CASZ1: variants seen among roughly 807,000 people sequenced by gnomAD.
The protein encoded by CASZ1 is castor zinc finger 1.
In CASZ1, 28 loss-of-function variants were observed where a neutral mutation model predicts 135.2. The ratio of observed to expected loss-of-function variants is 0.21; its 90% confidence interval spans 0.15 to 0.28. The LOEUF (loss-of-function observed/expected upper bound fraction) is 0.28. CASZ1 is among the 10% of genes least tolerant of loss of function. The pLI, the probability that CASZ1 is intolerant of heterozygous loss-of-function variation, is 1.00. For synonymous variants in CASZ1, 1,068 were observed against 1,073.4 expected, an observed-to-expected ratio of 0.99 and a Z score of 0.10; for missense variants, 2,161 against 2,453.3, an observed-to-expected ratio of 0.88 and a Z score of 2.52.
intron 1 of CASZ1, among the ~76,000 whole-genome samples, chr1:10,787,374 C>A (rs564896336): frequency 6.6e-6 from 1 of 152,352 alleles, no homozygotes; most frequent in Admixed American, 6.5e-5. Flanking sequence ...CCCCCGATCC[C>A]CAGCCAGAGA....
At chr1:10,650,498 C>T in intron 13 of CASZ1, 194 bp downstream of exon 13, 1 of 555,078 alleles carries the variant, frequency 1.8e-6, no homozygotes, top group Non-Finnish European at 3.2e-6. Flanking sequence ...ATTTCTTCAG[C>T]CAGTTCATTA....
At chr1:10,687,022 A>G (rs1638615688) in intron 4 of CASZ1, among the ~76,000 whole-genome samples, 1 of 152,148 alleles carries the variant, frequency 6.6e-6, no homozygotes, top group African/African-American at 2.4e-5. Flanking sequence ...GGCGGTGAGG[A>G]TCACAGCTGC....
chr1:10,743,679 C>T (rs1212822607), intron 2 of CASZ1, among the ~76,000 whole-genome samples: 24 of 26,220 alleles, frequency 9.2e-4, no homozygotes, highest in Admixed American at 1.8e-3. Flanking sequence ...GGGCGGGGTG[C>T]GGGGGGAGGA....
rs1557459492 is a variant in CASZ1 at position 10,646,040 on chromosome 1, G to A, written c.3696+88C>T. ...GCAAGGTGTGAGAAATGGAGCCTCTGCCAGGAGGTGACTGTCCTGTGCCCT... is the reference window on the plus strand; with the variant it reads ...GCAAGGTGTGAGAAATGGAGCCTCTACCAGGAGGTGACTGTCCTGTGCCCT... On this transcript the variant is annotated intron_variant, in intron 17 of 20. Transcript: ENST00000377022. This position sits in a 1 kb window ranked among gnomAD's most constrained non-coding sequence, Gnocchi z 6.4. 13 of 1,280,818 alleles carry A rather than the reference G, an allele frequency of 1.0e-5. No individual in the cohort carries two copies. Among genetic ancestry groups the A allele is most frequent in the African/African-American group, 1.5e-5 (1 of 68,264 alleles). 79.3% of individuals were successfully genotyped at this position (1,280,818 alleles called of 1,614,324 possible).
At chr1:10,754,870 G>C (rs1640219837) in intron 2 of CASZ1, among the ~76,000 whole-genome samples, 1 of 151,974 alleles carries the variant, frequency 6.6e-6, no homozygotes, top group Non-Finnish European at 1.5e-5. Context: ...ATTACTAAGG[G>C]AAAAAAAAGT....
chr1:10,782,734 A>G (rs749320480), intron 1 of CASZ1, among the ~76,000 whole-genome samples: 2 of 144,076 alleles, frequency 1.4e-5, no homozygotes, highest in Admixed American at 7.0e-5. Flanking sequence ...GGAGCCACTG[A>G]GGCGGGAAGG....
At chr1:10,789,572 C>T (rs929927175) in intron 1 of CASZ1, among the ~76,000 whole-genome samples, 1 of 152,034 alleles carries the variant, frequency 6.6e-6, no homozygotes, top group African/African-American at 2.4e-5. Context: ...TTCTCTCTCT[C>T]TCTCCCCGCA....
intron 4 of CASZ1, among the ~76,000 whole-genome samples, chr1:10,682,945 C>T (rs1173536775): frequency 6.6e-6 from 1 of 152,244 alleles, no homozygotes; most frequent in Admixed American, 6.5e-5. Context: ...GCTCTCCAGG[C>T]CTGCCTGTCC....
chr1:10,641,347 C>T (rs1642194136), intron 20 of CASZ1, among the ~76,000 whole-genome samples: 1 of 152,232 alleles, frequency 6.6e-6, no homozygotes, highest in Admixed American at 6.5e-5. Context: ...CGGCCCTGCC[C>T]TGGCCATAAC....
intron 2 of CASZ1, among the ~76,000 whole-genome samples, chr1:10,715,513 A>C (rs1475698716): frequency 2.1e-3 from 295 of 142,238 alleles, no homozygotes; most frequent in Admixed American, 3.3e-3. Context: ...CCCAATCCAC[A>C]CCCCACAGCA....
In CASZ1 at chr1:10,741,330, G is replaced by A. The variant is rs1424249437; in HGVS notation, c.-77+19371C>T. Among the ~76,000 whole-genome samples, 1 of 152,132 alleles carries A rather than the reference G, an allele frequency of 6.6e-6. No homozygotes were observed. The highest frequency in any genetic ancestry group is 1.5e-5 in the Non-Finnish European group (1 of 68,026). ...TGAGGGCAGGGACTTGTTCAAAGAG[G>A]AAAACAGCAAAGCAAAGCCTGGAAA... On this transcript the variant is annotated intron_variant, in intron 2 of 20. Coordinates refer to ENST00000377022, the MANE Select transcript of CASZ1 (RefSeq NM_001079843.3). The surrounding 1 kb of genome is among the most constrained non-coding windows in gnomAD (Gnocchi z 5.0).
chr1:10,678,114 C>T (rs1212198105), intron 4 of CASZ1, among the ~76,000 whole-genome samples: 1 of 152,176 alleles, frequency 6.6e-6, no homozygotes, highest in African/African-American at 2.4e-5. Context: ...ACTAGAGAGG[C>T]CCCGGACAGC....
At position 10,755,616 on chromosome 1, in the gene CASZ1, T is replaced by G. The variant is rs6700327; in HGVS notation, c.-77+5085A>C. ...GGCCCGTGCATGGCGAGATGCGGGG[T>G]TTTCCTGCATCTGCTCCGAAGGCAG... On this transcript the variant is annotated intron_variant, in intron 2 of 20. Coordinates refer to ENST00000377022, the MANE Select transcript of CASZ1 (RefSeq NM_001079843.3). This position sits in a 1 kb window ranked among gnomAD's most constrained non-coding sequence, Gnocchi z 4.3. 0.73 allele frequency among the ~76,000 whole-genome samples: 110,946 copies of G among 151,784 alleles called. 42,105 individuals carry two copies. Among genetic ancestry groups the G allele is most frequent in the Non-Finnish European group, 0.84 (57,081 of 67,950 alleles).
chr1:10,796,176 C>T (rs1020733246), intron 1 of CASZ1, among the ~76,000 whole-genome samples: 17 of 152,056 alleles, frequency 1.1e-4, no homozygotes, highest in African/African-American at 4.1e-4. Flanking sequence ...GTCCTGTGCT[C>T]GCGCCTGGCA....
chr1:10,781,175 C>G (rs547649680), intron 1 of CASZ1, among the ~76,000 whole-genome samples: 2 of 152,336 alleles, frequency 1.3e-5, no homozygotes, highest in East Asian at 3.9e-4. Flanking sequence ...GGAGGGGGCT[C>G]TGGGAGGAGA....
chr1:10,711,206 C>A lies in CASZ1; in HGVS notation c.-76-5662G>T, dbSNP rs1319599375. Among the ~76,000 whole-genome samples the A allele has an allele frequency of 2.6e-5, 4 of 152,216 alleles. No individual in the cohort carries two copies. The highest frequency in any genetic ancestry group is 9.6e-5 in the African/African-American group (4 of 41,454). ...TTGAGTTTGAATCCTGCCTCTGCTG[C>A]CTCCTGCCATGCAATTGGGTACGCA... On this transcript the variant is annotated intron_variant, in intron 2 of 20. Coordinates refer to ENST00000377022, the MANE Select transcript of CASZ1 (RefSeq NM_001079843.3). This position sits in a 1 kb window ranked among gnomAD's most constrained non-coding sequence, Gnocchi z 4.4.
At chr1:10,688,930 G>A (rs1246812463) in intron 4 of CASZ1, among the ~76,000 whole-genome samples, 1 of 152,162 alleles carries the variant, frequency 6.6e-6, no homozygotes, top group African/African-American at 2.4e-5. Flanking sequence ...TTGCCGTGGG[G>A]ACCCACGGGC....
chr1:10,795,541 C>T (rs1641048576), intron 1 of CASZ1, among the ~76,000 whole-genome samples: 1 of 152,204 alleles, frequency 6.6e-6, no homozygotes, highest in Non-Finnish European at 1.5e-5. Context: ...AGCCCAGCGT[C>T]CCACGTCCCC....
rs1639594958 is a variant in CASZ1 at position 10,726,245 on chromosome 1, C to G, written c.-76-20701G>C. On this transcript the variant is annotated intron_variant, in intron 2 of 20. Coordinates refer to ENST00000377022, the MANE Select transcript of CASZ1 (RefSeq NM_001079843.3). The surrounding 1 kb of genome is among the most constrained non-coding windows in gnomAD (Gnocchi z 5.7). ...CACCTCATTAAACAGCAACAGAAAC[C>G]CTGTAGGAGACACCACTGTTCATGC... Among the ~76,000 whole-genome samples, 1 of 152,106 alleles carries G rather than the reference C, an allele frequency of 6.6e-6. No individual in the cohort carries two copies. The highest frequency in any genetic ancestry group is 2.4e-5 in the African/African-American group (1 of 41,418).
Sources: allele counts gnomAD v4.1 joint callset (sites outside exome capture counted in the v4.1 genomes callset), GRCh38; gene constraint gnomAD v4.1.1; non-coding constraint Gnocchi (gnomAD v3.1); transcripts MANE v1.5; gene names NCBI Gene and HGNC (gene_info 2026-07-23, HGNC 2026-07-21).